Variants in HERC4 observed in about 807,000 individuals in gnomAD.
The protein encoded by HERC4 is probable E3 ubiquitin-protein ligase HERC4.
HERC4 carries 28 observed loss-of-function variants against 124.3 expected under a neutral mutation model. The observed-to-expected ratio is 0.23, with a 90% CI of 0.17 to 0.31. The LOEUF (loss-of-function observed/expected upper bound fraction) is 0.31. Ranked by LOEUF, HERC4 falls within the 10% of genes least tolerant of loss-of-function variation. HERC4 has a pLI of 1.00. For missense variants in HERC4, 713 were observed against 1,229.3 expected (o/e 0.58, Z 6.28); for synonymous variants, 407 against 421.5 (o/e 0.97, Z 0.42).
At chr10:68,039,315 C>CAA (rs5785844) in intron 4 of HERC4, 2,230 of 1,094,866 alleles carry the variant, frequency 2.0e-3, no homozygotes, top group Non-Finnish European at 2.2e-3. Context: ...GACCCTGTCT[C>CAA]AAAAAAAAAA....
chr10:67,966,624 CTTTTT>C (rs771640859), intron 16 of HERC4, 54 bp downstream of exon 16: 1 of 1,507,350 alleles, frequency 6.6e-7, no homozygotes, highest in Admixed American at 2.3e-5. Context: ...GCAATTGTTT[CTTTTT>C]TTATTAGATA....
intron 4 of HERC4, among the ~76,000 whole-genome samples, chr10:68,042,452 T>C (rs944985695): frequency 6.6e-6 from 1 of 152,224 alleles, no homozygotes; most frequent in Non-Finnish European, 1.5e-5. Flanking sequence ...GGTGAAACTC[T>C]GTCTCTACAA....
chr10:68,062,334 T>C (rs2041067238), intron 3 of HERC4, among the ~76,000 whole-genome samples: 1 of 152,192 alleles, frequency 6.6e-6, no homozygotes, highest in South Asian at 2.1e-4. Context: ...AGCTAATGAT[T>C]CTACCTAGGA....
chr10:68,074,416 T>C (rs1016494115), intron 1 of HERC4, among the ~76,000 whole-genome samples: 2 of 152,132 alleles, frequency 1.3e-5, no homozygotes, highest in African/African-American at 4.8e-5. Flanking sequence ...CAGAACTCGA[T>C]AATTCCCAAG....
chr10:67,961,070 T>C, intron 16 of HERC4: 1 of 234,618 alleles, frequency 4.3e-6, no homozygotes, highest in South Asian at 5.3e-5. Context: ...ACAGAACAGA[T>C]GAAGCAAATA....
intron 21 of HERC4, among the ~76,000 whole-genome samples, chr10:67,938,092 A>C (rs1182806247): frequency 1.3e-5 from 2 of 152,122 alleles, no homozygotes; most frequent in Non-Finnish European, 2.9e-5. Flanking sequence ...AAAACCATAA[A>C]GAGAATGTTG....
chr10:67,959,324 A>T (rs938202133), intron 16 of HERC4, among the ~76,000 whole-genome samples: 1 of 152,160 alleles, frequency 6.6e-6, no homozygotes, highest in Non-Finnish European at 1.5e-5. Context: ...CTACTAATGT[A>T]AGATCTTTGT....
chr10:67,931,517 C>T (rs1032953752), intron 23 of HERC4, among the ~76,000 whole-genome samples: 30 of 152,058 alleles, frequency 2.0e-4, no homozygotes, highest in African/African-American at 6.5e-4. Flanking sequence ...CTCCGCTTCC[C>T]AGGTTCAAGC....
Position 67,939,572 on chromosome 10 carries a change from T to G in HERC4, c.2571+16A>C. On this transcript the variant is annotated intron_variant, in intron 21 of 24. Coordinates refer to ENST00000373700, the MANE Select transcript of HERC4 (RefSeq NM_015601.4). ...GATGATAAATAATCAGGCTAACCTATGTCCTTCCATCTTACCGTAAAATTA... is the reference window on the plus strand; with the variant it reads ...GATGATAAATAATCAGGCTAACCTAGGTCCTTCCATCTTACCGTAAAATTA... The G allele has an allele frequency of 1.3e-6, 2 of 1,551,524 alleles. No homozygotes were observed. The highest frequency in any genetic ancestry group is 1.8e-6 in the Non-Finnish European group (2 of 1,130,812).
intron 16 of HERC4, among the ~76,000 whole-genome samples, chr10:67,957,457 T>C (rs935225862): frequency 2.0e-5 from 3 of 152,184 alleles, no homozygotes. Flanking sequence ...TTACTTAATA[T>C]ACAAAAAAGT....
chr10:67,929,936 C>T (rs1374152232), intron 23 of HERC4, among the ~76,000 whole-genome samples: 2 of 152,012 alleles, frequency 1.3e-5, no homozygotes, highest in Non-Finnish European at 2.9e-5. Context: ...GCCTCAGCCT[C>T]CCGAGCAGCT....
At chr10:67,928,142 G>GT (rs2031357005) in intron 23 of HERC4, among the ~76,000 whole-genome samples, 1 of 152,108 alleles carries the variant, frequency 6.6e-6, no homozygotes, top group African/African-American at 2.4e-5. Context: ...TGCCTGGAGG[G>GT]TTCTAGGCTC....
At chr10:67,927,399 TATATATATATATATATATATATA>T (rs1186283104) in intron 23 of HERC4, among the ~76,000 whole-genome samples, 354 of 7,820 alleles carry the variant, frequency 0.045, 24 homozygotes, top group African/African-American at 0.13. Flanking sequence ...TATATATATA[TATATATATATATATATATATATA>T]TATATATATT....
chr10:67,978,210 A>G (rs2035713286), intron 15 of HERC4, among the ~76,000 whole-genome samples: 1 of 150,302 alleles, frequency 6.7e-6, no homozygotes, highest in South Asian at 2.1e-4. Flanking sequence ...CAGGAGATGG[A>G]GGAGCTGAGA....
intron 15 of HERC4, among the ~76,000 whole-genome samples, chr10:67,982,698 A>T (rs549298787): frequency 6.6e-6 from 1 of 152,368 alleles, no homozygotes; most frequent in Admixed American, 6.5e-5. Flanking sequence ...ATATTTGCAA[A>T]CTAATCATCT....
chr10:67,947,404 TACA>T, intron 19 of HERC4, among the ~76,000 whole-genome samples: 1 of 152,308 alleles, frequency 6.6e-6, no homozygotes, highest in Non-Finnish European at 1.5e-5. Context: ...ATCAAGAAGA[TACA>T]ACAATTACAA....
rs1475523589 is a variant in HERC4 at position 68,059,840 on chromosome 10, TA to T, written c.226+13042del. Among the ~76,000 whole-genome samples, 2 of 56,438 alleles carry T rather than the reference TA, an allele frequency of 3.5e-5. 1 individual carries two copies. The highest frequency in any genetic ancestry group is 6.0e-4 in the African/African-American group (2 of 3,352). The allele number at this position is 56,438 out of a possible 152,430, so 37.0% of individuals were successfully genotyped here. On this transcript the variant is annotated intron_variant, in intron 3 of 24. Transcript: ENST00000373700. Reference sequence around the variant, plus strand: ...TTATATATCATAATATTATATATTATAATATATTATATATCATAATATTATA... The same window carrying T: ...TTATATATCATAATATTATATATTATATATATTATATATCATAATATTATA...
At chr10:67,961,509 T>G (rs936621407) in intron 16 of HERC4, 2 of 152,238 alleles carry the variant, frequency 1.3e-5, no homozygotes, top group Admixed American at 6.5e-5. Flanking sequence ...CCTTGGCTGA[T>G]TTTAACCTAT....
At chr10:67,982,756 T>C (rs72808646) in intron 15 of HERC4, among the ~76,000 whole-genome samples, 18 of 152,126 alleles carry the variant, frequency 1.2e-4, no homozygotes, top group Admixed American at 3.3e-4. Context: ...AACAATTCTA[T>C]AGAAAAAAAT....
Sources: allele counts gnomAD v4.1 joint callset (sites outside exome capture counted in the v4.1 genomes callset), GRCh38; gene constraint gnomAD v4.1.1; transcripts MANE v1.5; gene names NCBI Gene and HGNC (gene_info 2026-07-23, HGNC 2026-07-21).